Variants in TGFB2 observed in about 807,000 individuals in gnomAD.
TGFB2 encodes transforming growth factor beta 2, also known as transforming growth factor beta-2 proprotein.
A neutral mutation model predicts 42.7 loss-of-function variants in TGFB2; 13 were observed. The observed-to-expected ratio is 0.30, with a 90% CI of 0.20 to 0.48. TGFB2 has a LOEUF of 0.48. Among genes scored for constraint, TGFB2 ranks in the 20% least tolerant of loss-of-function variants. The pLI, the probability that TGFB2 is intolerant of heterozygous loss-of-function variation, is 0.99. For missense variants in TGFB2, 390 were observed against 517.5 expected (o/e 0.75, Z 2.39); for synonymous variants, 193 against 193.6 (o/e 1.00, Z 0.03).
chr1:218,375,630 C>A (rs944080817), intron 1 of TGFB2, among the ~76,000 whole-genome samples: 2 of 152,136 alleles, frequency 1.3e-5, no homozygotes, highest in African/African-American at 4.8e-5. Context: ...ACTAGAAATT[C>A]TAGCCCATAT....
chr1:218,393,872 A>G (rs1299049517), intron 1 of TGFB2, among the ~76,000 whole-genome samples: 5 of 150,820 alleles, frequency 3.3e-5, no homozygotes, highest in African/African-American at 1.2e-4. Context: ...CTTCATGCTC[A>G]TGGGCTCTGA....
At chr1:218,408,319 G>GT (rs551923075) in intron 2 of TGFB2, among the ~76,000 whole-genome samples, 117 of 152,198 alleles carry the variant, frequency 7.7e-4, no homozygotes, top group African/African-American at 2.8e-3. Flanking sequence ...TGAGTTCTTG[G>GT]TAGATGTGCC....
At chr1:218,414,733 C>A (rs1659219548) in intron 2 of TGFB2, among the ~76,000 whole-genome samples, 1 of 152,174 alleles carries the variant, frequency 6.6e-6, no homozygotes, top group Non-Finnish European at 1.5e-5. Context: ...GCAATAGTAA[C>A]TAATAATCTT....
At chr1:218,414,089 A>G (rs1659191520) in intron 2 of TGFB2, among the ~76,000 whole-genome samples, 1 of 152,216 alleles carries the variant, frequency 6.6e-6, no homozygotes, top group South Asian at 2.1e-4. Context: ...GTGAAAGTTC[A>G]GGGTAGATGG....
intron 1 of TGFB2, among the ~76,000 whole-genome samples, chr1:218,359,740 C>G (rs545794699): frequency 6.6e-6 from 1 of 152,120 alleles, no homozygotes. Flanking sequence ...TACAGAGTTG[C>G]TATATCACAA....
chr1:218,440,340 A>G (rs929475957), intron 6 of TGFB2, among the ~76,000 whole-genome samples: 1 of 136,502 alleles, frequency 7.3e-6, no homozygotes, highest in Admixed American at 8.0e-5. Flanking sequence ...TGGTAAAAAA[A>G]CAGGCTTTTT....
chr1:218,371,706 C>CTGA (rs1195943565), intron 1 of TGFB2, among the ~76,000 whole-genome samples: 2 of 152,216 alleles, frequency 1.3e-5, no homozygotes, highest in Non-Finnish European at 2.9e-5. Flanking sequence ...CTGGCAGTGT[C>CTGA]TGATAGATGT....
chr1:218,348,525 T>A (rs1215857189), intron 1 of TGFB2, among the ~76,000 whole-genome samples: 2 of 152,270 alleles, frequency 1.3e-5, no homozygotes, highest in Non-Finnish European at 2.9e-5. Flanking sequence ...TCTTGTTCAA[T>A]AGCAGAACAG....
At chr1:218,385,136 T>C (rs1415103904) in intron 1 of TGFB2, among the ~76,000 whole-genome samples, 1 of 152,180 alleles carries the variant, frequency 6.6e-6, no homozygotes, top group Non-Finnish European at 1.5e-5. Flanking sequence ...TACTTTCTGG[T>C]TGGTAGCTCT....
intron 1 of TGFB2, among the ~76,000 whole-genome samples, chr1:218,365,643 T>C (rs1657362740): frequency 6.6e-6 from 1 of 150,802 alleles, no homozygotes; most frequent in South Asian, 2.1e-4. Flanking sequence ...CCTGCAAGGC[T>C]GCTGAGCAGT....
At position 218,346,982 on chromosome 1, in the gene TGFB2, G is replaced by A; in HGVS notation, c.281G>A (p.Ser94Asn). 6.2e-7 allele frequency: 1 copy of A among 1,613,340 alleles called. No homozygotes were observed. The highest frequency in any genetic ancestry group is 8.5e-7 in the Non-Finnish European group (1 of 1,179,622). The change falls in exon 1 of 7, where the codon AGC becomes AAC. Residue 94 changes from serine (S) to asparagine (N), a missense_variant. By Grantham distance (46) the Ser-to-Asn change is conservative (BLOSUM62 1). Coordinates refer to ENST00000366930, the MANE Select transcript of TGFB2 (RefSeq NM_003238.6). The surrounding 1 kb of genome is among the most constrained non-coding windows in gnomAD (Gnocchi z 4.9). The stretch of plus-strand genomic sequence containing the variant: ...GCGGCCGCCTGCGAGCGCGAGAGGA[G>A]CGACGAAGAGTACTACGCCAAGGAG... ...RRAAACERER[S>N]DEEYYAKEVY...
intron 1 of TGFB2, among the ~76,000 whole-genome samples, chr1:218,360,176 C>G (rs987965027): frequency 6.6e-6 from 1 of 152,154 alleles, no homozygotes; most frequent in Non-Finnish European, 1.5e-5. Context: ...GCTCCAGAAA[C>G]CTGCATCTTG....
intron 2 of TGFB2, among the ~76,000 whole-genome samples, chr1:218,429,571 G>A (rs1174101533): frequency 6.6e-6 from 1 of 152,140 alleles, no homozygotes. Flanking sequence ...TATAAGTATT[G>A]CTTGAGTGCC....
rs148957893 is a variant in TGFB2 at position 218,371,309 on chromosome 1, C to A, written c.346+24262C>A. On this transcript the variant is annotated intron_variant, in intron 1 of 6. Coordinates refer to ENST00000366930, the MANE Select transcript of TGFB2 (RefSeq NM_003238.6). ...GAGGGGAGACCCTGTCTCAATCAATCAATAAATAAATAAAAATTTAAAAAC... is the reference window on the plus strand; with the variant it reads ...GAGGGGAGACCCTGTCTCAATCAATAAATAAATAAATAAAAATTTAAAAAC... Among the ~76,000 whole-genome samples, 171 of 152,130 alleles carry A rather than the reference C, an allele frequency of 1.1e-3. 1 individual carries two copies. Among genetic ancestry groups the A allele is most frequent in the African/African-American group, 3.8e-3 (157 of 41,502 alleles).
At chr1:218,356,211 A>C (rs1339906208) in intron 1 of TGFB2, among the ~76,000 whole-genome samples, 5 of 151,996 alleles carry the variant, frequency 3.3e-5, no homozygotes, top group Admixed American at 3.3e-4. Flanking sequence ...AGGGTATATA[A>C]ATTTTTAGGG....
chr1:218,437,122 G>A (rs1034951984), intron 5 of TGFB2, among the ~76,000 whole-genome samples: 3 of 152,024 alleles, frequency 2.0e-5, no homozygotes, highest in East Asian at 3.9e-4. Flanking sequence ...ACTCATAAGG[G>A]CAAGTAGTCC....
At chr1:218,420,903 C>T (rs1455380829) in intron 2 of TGFB2, among the ~76,000 whole-genome samples, 1 of 152,150 alleles carries the variant, frequency 6.6e-6, no homozygotes, top group East Asian at 1.9e-4. Flanking sequence ...TGAAGGCCCT[C>T]GTGAAGCTCT....
chr1:218,402,900 C>A (rs1658776131), intron 1 of TGFB2, among the ~76,000 whole-genome samples: 1 of 152,230 alleles, frequency 6.6e-6, no homozygotes, highest in Non-Finnish European at 1.5e-5. Context: ...GAAAGCCTGG[C>A]CCCAGACTGG....
intron 2 of TGFB2, among the ~76,000 whole-genome samples, chr1:218,406,056 CTT>C (rs977646487): frequency 1.3e-5 from 2 of 152,046 alleles, no homozygotes; most frequent in African/African-American, 4.8e-5. Flanking sequence ...ATGATTTTCT[CTT>C]TGTTTTCTTA....
Sources: gnomAD v4.1 joint callset for allele counts (sites outside exome capture counted in the v4.1 genomes callset) on GRCh38, gnomAD v4.1.1 for gene constraint, Gnocchi (gnomAD v3.1) non-coding constraint, MANE v1.5 for transcripts, NCBI Gene and HGNC (gene_info 2026-07-23, HGNC 2026-07-21) for gene names.